DNAJB11: variants seen among roughly 807,000 people sequenced by gnomAD.
DNAJB11 encodes dnaJ homolog subfamily B member 11.
DNAJB11 carries 30 observed loss-of-function variants against 47.2 expected under a neutral mutation model. The ratio of observed to expected loss-of-function variants is 0.64; its 90% CI spans 0.48 to 0.86. DNAJB11 has a LOEUF of 0.86. DNAJB11 is among the 40% of genes least tolerant of loss of function. The probability of loss-of-function intolerance (pLI) is 0.00; values close to 1 mark genes in which losing one functional copy is unlikely to be tolerated. For synonymous variants in DNAJB11, 151 were observed against 159.9 expected, an observed-to-expected ratio of 0.94 and a Z score of 0.42; for missense variants, 357 against 440.2, an observed-to-expected ratio of 0.81 and a Z score of 1.69.
chr3:186,581,282 C>T, intron 4 of DNAJB11, 89 bp from the exon 5 acceptor site: 1 of 1,445,516 alleles, frequency 6.9e-7, no homozygotes, highest in Non-Finnish European at 9.4e-7. Flanking sequence ...AGTTTCAGTC[C>T]AGGCATATGT....
rs761788240 is a variant in DNAJB11 at position 186,581,463 on chromosome 3, G to T, written c.549G>T (p.Gly183=). ...QEMRTTQLGP[G]RFQMTQEVVC... ...TGCGGACCACCCAGCTGGGCCCTGG[G>T]CGCTTCCAAATGACCCAGGAGGTGG... The change falls in exon 5 of 10, where the codon GGG becomes GGT. Residue 183 remains glycine, a synonymous_variant. Transcript: ENST00000265028. 5.6e-6 allele frequency: 9 copies of T among 1,613,806 alleles called. 1 individual carries two copies. Among genetic ancestry groups the T allele is most frequent in the Admixed American group, 3.3e-5 (2 of 59,988 alleles).
chr3:186,583,792 T>C, intron 7 of DNAJB11, 73 bp from the exon 8 acceptor site: 1 of 1,128,004 alleles, frequency 8.9e-7, no homozygotes, highest in South Asian at 1.3e-5. Flanking sequence ...GTTCACCTTT[T>C]TCCAAGAATT....
At chr3:186,573,226 A>G (rs1204091021) in intron 2 of DNAJB11, among the ~76,000 whole-genome samples, 2 of 152,230 alleles carry the variant, frequency 1.3e-5, no homozygotes, top group African/African-American at 4.8e-5. Flanking sequence ...AAATTGAAAA[A>G]TATTTTAGGA....
At position 186,585,517 on chromosome 3, in the gene DNAJB11, C is replaced by A; in HGVS notation, c.*109C>A. The A allele has an allele frequency of 1.4e-6, 1 of 717,350 alleles. No homozygotes were observed. The highest frequency in any genetic ancestry group is 2.2e-6 in the Non-Finnish European group (1 of 447,258). 44.4% of individuals were successfully genotyped at this position (717,350 alleles called of 1,614,324 possible). ...TTTTATTTTCAATATGCAAGTTAGGCTTAATTTTTTTATCTAATGATCATC... is the reference window on the plus strand; with the variant it reads ...TTTTATTTTCAATATGCAAGTTAGGATTAATTTTTTTATCTAATGATCATC... On this transcript the variant is annotated 3_prime_UTR_variant, in exon 10 of 10. Coordinates refer to ENST00000265028, the MANE Select transcript of DNAJB11 (RefSeq NM_016306.6).
At chr3:186,582,681 A>G (rs1191623306) in intron 6 of DNAJB11, 35 bp from the exon 7 acceptor site, 3 of 1,541,874 alleles carry the variant, frequency 1.9e-6, no homozygotes, top group Admixed American at 3.7e-5. Context: ...TTCAACTTGT[A>G]TGATTTACAA....
At position 186,584,444 on chromosome 3, in the gene DNAJB11, G is replaced by C; in HGVS notation, c.867G>C (p.Arg289=). The C allele has an allele frequency of 6.4e-7, 1 of 1,556,338 alleles. No homozygotes were observed. Among genetic ancestry groups the C allele is most frequent in the Non-Finnish European group, 8.6e-7 (1 of 1,159,394 alleles). Residue 289 remains arginine (R), a synonymous_variant, in exon 9 of 10, where the codon CGG becomes CGC. Transcript: ENST00000265028. Reference sequence around the variant, plus strand: ...TGGTTTTCTAGGTACATATTTCCCGGGATAAGATCACCAGGCCAGGAGCGA... The same window carrying C: ...TGGTTTTCTAGGTACATATTTCCCGCGATAAGATCACCAGGCCAGGAGCGA... ...HLDGHKVHIS[R]DKITRPGAKL...
chr3:186,583,818 G>T, intron 7 of DNAJB11, 47 bp from the exon 8 acceptor site: 2 of 1,416,814 alleles, frequency 1.4e-6, no homozygotes, highest in South Asian at 2.3e-5. Flanking sequence ...ACAACTGTTT[G>T]AACTTAAAGT....
chr3:186,573,611 T>C (rs564034941), intron 2 of DNAJB11, among the ~76,000 whole-genome samples: 1 of 152,214 alleles, frequency 6.6e-6, no homozygotes, highest in African/African-American at 2.4e-5. Flanking sequence ...GGTCTCGATC[T>C]CCTGACCTCA....
chr3:186,585,483 T>G lies in DNAJB11; in HGVS notation c.*75T>G. On this transcript the variant is annotated 3_prime_UTR_variant, in exon 10 of 10. Coordinates refer to ENST00000265028, the MANE Select transcript of DNAJB11 (RefSeq NM_016306.6). ...ATTATCTGCAAGGTTTTTTTGTGTG[T>G]GTTTTTGTTTTTATTTTCAATATGC... 8.4e-7 allele frequency: 1 copy of G among 1,193,948 alleles called. No individual in the cohort carries two copies. The allele number at this position is 1,193,948 out of a possible 1,614,324, so 74.0% of individuals were successfully genotyped here.
intron 3 of DNAJB11, 30 bp from the exon 4 acceptor site, chr3:186,577,638 T>TC (rs759063818): frequency 6.5e-7 from 1 of 1,536,520 alleles, no homozygotes; most frequent in South Asian, 1.3e-5. Flanking sequence ...ATTTTTTTTT[T>TC]TTTCCTGATG....
At chr3:186,583,186 C>T (rs1715545747) in intron 7 of DNAJB11, among the ~76,000 whole-genome samples, 1 of 152,206 alleles carries the variant, frequency 6.6e-6, no homozygotes, top group South Asian at 2.1e-4. Flanking sequence ...TGAAGTGCTG[C>T]TTAGACAGTT....
In DNAJB11 at chr3:186,572,255, A is replaced by T; in HGVS notation, c.225+4A>T. The T allele has an allele frequency of 6.3e-7, 1 of 1,597,912 alleles. No homozygotes were observed. The highest frequency in any genetic ancestry group is 1.1e-5 in the South Asian group (1 of 88,154). On this transcript the variant is annotated splice_donor_region_variant and intron_variant, in intron 2 of 9. Coordinates refer to ENST00000265028, the MANE Select transcript of DNAJB11 (RefSeq NM_016306.6). ...GGATCTGGGTGCTGCTTATGAGGTG[A>T]GTTGGGAAAAGTGATAAAGTACGAA...
chr3:186,585,506 T>C lies in DNAJB11; in HGVS notation c.*98T>C. The C allele has an allele frequency of 3.5e-6, 3 of 866,566 alleles. No individual in the cohort carries two copies. The allele number at this position is 866,566 out of a possible 1,614,324, so 53.7% of individuals were successfully genotyped here. Reference sequence around the variant, plus strand: ...TGTGTTTTTGTTTTTATTTTCAATATGCAAGTTAGGCTTAATTTTTTTATC... The same window carrying C: ...TGTGTTTTTGTTTTTATTTTCAATACGCAAGTTAGGCTTAATTTTTTTATC... On this transcript the variant is annotated 3_prime_UTR_variant, in exon 10 of 10. Transcript: ENST00000265028.
chr3:186,573,849 C>G (rs745727678), intron 2 of DNAJB11, among the ~76,000 whole-genome samples: 4 of 152,136 alleles, frequency 2.6e-5, no homozygotes, highest in Non-Finnish European at 4.4e-5. Context: ...ACCTAATACT[C>G]AAAAACATTT....
chr3:186,582,581 G>A (rs1715521944), intron 6 of DNAJB11, 135 bp from the exon 7 acceptor site: 1 of 702,740 alleles, frequency 1.4e-6, no homozygotes, highest in African/African-American at 1.8e-5. Context: ...GATACAACCA[G>A]GCAGAGACAC....
At chr3:186,581,632 C>A in intron 5 of DNAJB11, 119 bp downstream of exon 5, 1 of 1,185,394 alleles carries the variant, frequency 8.4e-7, no homozygotes, top group Non-Finnish European at 1.2e-6. Flanking sequence ...CCATGTTCTG[C>A]AAAAGGATAG....
At chr3:186,584,279 C>G in intron 8 of DNAJB11, 151 bp from the exon 9 acceptor site, 1 of 781,612 alleles carries the variant, frequency 1.3e-6, no homozygotes, top group Non-Finnish European at 2.0e-6. Context: ...GTTCTTGACT[C>G]ACATTGTCTT....
chr3:186,582,780 A>G lies in DNAJB11; in HGVS notation c.740+7A>G. On this transcript the variant is annotated splice_region_variant and intron_variant, in intron 7 of 9. Coordinates refer to ENST00000265028, the MANE Select transcript of DNAJB11 (RefSeq NM_016306.6). Reference sequence around the variant, plus strand: ...TCCGAATCAAAGTTGTCAAGTAAGTAATCTAATTTTAGAGGTCTTCTCAGA... The same window carrying G: ...TCCGAATCAAAGTTGTCAAGTAAGTGATCTAATTTTAGAGGTCTTCTCAGA... 1 of 1,570,706 alleles carries G rather than the reference A, an allele frequency of 6.4e-7. No individual in the cohort carries two copies. Among genetic ancestry groups the G allele is most frequent in the East Asian group, 2.3e-5 (1 of 43,542 alleles).
chr3:186,571,022 T>TGGGTGGGGGGGGGG, intron 1 of DNAJB11, 57 bp downstream of exon 1: 2 of 208,314 alleles, frequency 9.6e-6, no homozygotes, highest in East Asian at 9.8e-5. Context: ...TGCTGGGGGG[T>TGGGTGGGGGGGGGG]GGGAGGGGGT....
Sources: gnomAD v4.1 joint callset for allele counts (sites outside exome capture counted in the v4.1 genomes callset) on GRCh38, gnomAD v4.1.1 for gene constraint, MANE v1.5 for transcripts, NCBI Gene and HGNC (gene_info 2026-07-23, HGNC 2026-07-21) for gene names.